Variants in PGBD2 observed in about 807,000 individuals in gnomAD.
The protein encoded by PGBD2 is piggyBac transposable element derived 2, also known as piggyBac transposable element-derived protein 2.
In PGBD2, 6 loss-of-function variants were observed where a neutral mutation model predicts 8.1. The ratio of observed to expected loss-of-function variants is 0.74; its 90% CI spans 0.40 to 1.46. The LOEUF is 1.46. PGBD2 is among the 40% of genes most tolerant of loss of function. The pLI is 0.02. For synonymous variants in PGBD2, 318 were observed against 272.2 expected, an observed-to-expected ratio of 1.17 and a Z score of -1.66; for missense variants, 802 against 739.0, an observed-to-expected ratio of 1.09 and a Z score of -0.99.
Position 248,917,648 on chromosome 1 carries a change from C to T in PGBD2, c.1064C>T (p.Thr355Ile). 1 of 1,614,164 alleles carries T rather than the reference C, an allele frequency of 6.2e-7. No individual in the cohort carries two copies. The highest frequency in any genetic ancestry group is 2.2e-5 in the East Asian group (1 of 44,882). The change falls in exon 3 of 3, where the codon ACA becomes ATA. Residue 355 changes from threonine to isoleucine, a missense_variant. By Grantham distance (89) the Thr-to-Ile change is moderately conservative. Coordinates refer to ENST00000329291, the MANE Select transcript of PGBD2 (RefSeq NM_170725.3). ...CACATATTTTTTGACAAGGTTTTCA[C>T]AAGTGTTAAACTGATGTCCATTTTG... ...PYHIFFDKVF[T>I]SVKLMSILRK...
At chr1:248,895,877 A>T in the PGBD2 span, among the ~76,000 whole-genome samples, 3 of 151,798 alleles carry the variant, frequency 2.0e-5, no homozygotes, top group Admixed American at 1.3e-4. Flanking sequence ...TAGTAGAGAC[A>T]GGGTTTCACC....
the PGBD2 span, among the ~76,000 whole-genome samples, chr1:248,893,294 T>C: frequency 6.6e-6 from 1 of 152,238 alleles, no homozygotes; most frequent in Non-Finnish European, 1.5e-5. Flanking sequence ...ATTGTTAACT[T>C]ACGCACTATG....
chr1:248,878,704 A>T, the PGBD2 span, among the ~76,000 whole-genome samples: 1 of 152,116 alleles, frequency 6.6e-6, no homozygotes, highest in African/African-American at 2.4e-5. Flanking sequence ...TGTATAACCC[A>T]TTTATCTGCT....
At chr1:248,923,924 G>A (rs2103122832), downstream of PGBD2, among the ~76,000 whole-genome samples, 1 of 152,300 alleles carries the variant, frequency 6.6e-6, no homozygotes, top group South Asian at 2.1e-4. Flanking sequence ...CTCCTAGTTG[G>A]AAAATGTTTT....
chr1:248,894,214 G>A, the PGBD2 span, among the ~76,000 whole-genome samples: 1 of 151,846 alleles, frequency 6.6e-6, no homozygotes, highest in East Asian at 1.9e-4. Flanking sequence ...TTATTTTATG[G>A]GTTGTTTCCT....
At chr1:248,878,308 T>C in the PGBD2 span, among the ~76,000 whole-genome samples, 2 of 151,896 alleles carry the variant, frequency 1.3e-5, no homozygotes, top group African/African-American at 2.4e-5. Flanking sequence ...GCCTCCCGAG[T>C]AGCTGGGACT....
At chr1:248,904,975 G>A (rs1661594444), upstream of PGBD2, among the ~76,000 whole-genome samples, 1 of 152,140 alleles carries the variant, frequency 6.6e-6, no homozygotes, top group Non-Finnish European at 1.5e-5. Context: ...AGGAGTGATT[G>A]TCACAGAGAA....
the PGBD2 span, among the ~76,000 whole-genome samples, chr1:248,874,050 G>C: frequency 6.6e-6 from 1 of 152,168 alleles, no homozygotes; most frequent in East Asian, 1.9e-4. Flanking sequence ...CCAGGAAGAA[G>C]GTTACAACTA....
intron 1 of PGBD2, among the ~76,000 whole-genome samples, chr1:248,910,883 G>A (rs1376939961): frequency 6.6e-6 from 1 of 151,790 alleles, no homozygotes; most frequent in Non-Finnish European, 1.5e-5. Flanking sequence ...TAATTGACAT[G>A]CAACAAACTG....
chr1:248,925,161 A>C, the PGBD2 span, among the ~76,000 whole-genome samples: 1 of 152,186 alleles, frequency 6.6e-6, no homozygotes, highest in Non-Finnish European at 1.5e-5. Flanking sequence ...CGTGTGTCAC[A>C]CAAATACCAA....
At position 248,917,404 on chromosome 1, in the gene PGBD2, G is replaced by A. The variant is rs1181334088; in HGVS notation, c.820G>A (p.Glu274Lys). Residue 274 changes from glutamate (E) to lysine (K), a missense_variant, in exon 3 of 3, where the codon GAG (glutamate) becomes AAG (lysine). Glu to Lys is a moderately conservative substitution (Grantham distance 56, BLOSUM62 1). Coordinates refer to ENST00000329291, the MANE Select transcript of PGBD2 (RefSeq NM_170725.3). ...CTACAGCTTTGGCGAGTCTATGTGT[G>A]AGTACTTTGGGCACCGGGGGTCCAA... ...EFYSFGESMC[E>K]YFGHRGSKQL... 1 of 1,614,136 alleles carries A rather than the reference G, an allele frequency of 6.2e-7. No individual in the cohort carries two copies. The highest frequency in any genetic ancestry group is 1.7e-5 in the Admixed American group (1 of 60,018).
chr1:248,876,058 G>C, the PGBD2 span, among the ~76,000 whole-genome samples: 2 of 151,292 alleles, frequency 1.3e-5, no homozygotes, highest in African/African-American at 4.9e-5. Context: ...GCCCAGGCTG[G>C]AGTGCAATGG....
chr1:248,873,861 A>T, the PGBD2 span, among the ~76,000 whole-genome samples: 1 of 152,160 alleles, frequency 6.6e-6, no homozygotes, highest in Non-Finnish European at 1.5e-5. Flanking sequence ...GAGTGTCAGG[A>T]TGGCCGAGTG....
In PGBD2 at chr1:248,911,726, G is replaced by GGGT. The variant is rs1351444378; in HGVS notation, c.-47-2088_-47-2087insTGG. Among the ~76,000 whole-genome samples the GGGT allele has an allele frequency of 4.0e-5, 6 of 150,814 alleles. 1 individual carries two copies. The highest frequency in any genetic ancestry group is 1.2e-4 in the African/African-American group (5 of 40,246). On this transcript the variant is annotated intron_variant, in intron 1 of 2. Transcript: ENST00000329291. Reference sequence around the variant, plus strand: ...AGAGGCGCCCCTCACCTCCCGGACGGGGCGGCTGGCCGGGCGGGGGGCTGA... The same window carrying GGGT: ...AGAGGCGCCCCTCACCTCCCGGACGGGGTGGCGGCTGGCCGGGCGGGGGGCTGA...
intron 1 of PGBD2, among the ~76,000 whole-genome samples, chr1:248,911,723 A>G (rs1410903251): frequency 0.025 from 3,450 of 136,208 alleles, 12 homozygotes; most frequent in African/African-American, 0.078. Context: ...CACCTCCCGG[A>G]CGGGGCGGCT....
At chr1:248,915,611 T>C (rs1373873829) in intron 2 of PGBD2, among the ~76,000 whole-genome samples, 1 of 152,202 alleles carries the variant, frequency 6.6e-6, no homozygotes, top group Non-Finnish European at 1.5e-5. Context: ...GTAACCTGAT[T>C]GTAAGTCGAG....
At chr1:248,885,308 A>ATT in the PGBD2 span, among the ~76,000 whole-genome samples, 640 of 142,782 alleles carry the variant, frequency 4.5e-3, 3 homozygotes, top group African/African-American at 0.015. Context: ...CTACTTTTTA[A>ATT]TTTTTTTTTT....
At chr1:248,910,822 G>C (rs935644310) in intron 1 of PGBD2, among the ~76,000 whole-genome samples, 2 of 152,118 alleles carry the variant, frequency 1.3e-5, no homozygotes, top group African/African-American at 4.8e-5. Flanking sequence ...ACAAGCCATA[G>C]AGGAATTTGT....
chr1:248,914,775 T>C (rs1662032282), intron 2 of PGBD2, among the ~76,000 whole-genome samples: 1 of 152,172 alleles, frequency 6.6e-6, no homozygotes, highest in African/African-American at 2.4e-5. Flanking sequence ...CCCCCACCCC[T>C]GGGGCTACGT....
Sources: gnomAD v4.1 joint callset for allele counts (sites outside exome capture counted in the v4.1 genomes callset) on GRCh38, gnomAD v4.1.1 for gene constraint, MANE v1.5 for transcripts, NCBI Gene and HGNC (gene_info 2026-07-23, HGNC 2026-07-21) for gene names.